Variants in KIF13A observed in about 807,000 individuals in gnomAD.
KIF13A encodes kinesin-like protein KIF13A.
Under a neutral mutation model 212.2 loss-of-function variants are expected in KIF13A, and 79 were observed. That is an observed-to-expected ratio of 0.37 (90% CI 0.31 to 0.45). KIF13A has a LOEUF of 0.45. Among genes scored for constraint, KIF13A ranks in the 20% least tolerant of loss-of-function variants. The pLI is 1.00. For missense variants in KIF13A, 1,901 were observed against 2,209.0 expected (o/e 0.86, Z 2.79); for synonymous variants, 789 against 808.6 (o/e 0.98, Z 0.41).
chr6:17,852,377 G>C (rs1046128245), intron 6 of KIF13A, among the ~76,000 whole-genome samples: 3 of 152,058 alleles, frequency 2.0e-5, no homozygotes, highest in African/African-American at 7.2e-5. Flanking sequence ...TCAACCTTTC[G>C]GCTATTTCAT....
At position 17,871,536 on chromosome 6, in the gene KIF13A, G is replaced by T. The variant is rs561275223; in HGVS notation, c.220+1841C>A. Among the ~76,000 whole-genome samples the T allele has an allele frequency of 1.1e-3, 170 of 152,228 alleles. No individual in the cohort carries two copies. The highest frequency in any genetic ancestry group is 4.0e-3 in the African/African-American group (165 of 41,538). ...GGGCTGCACACACACAGTGGGTTGG[G>T]GGGGGAGTCATGAATACTTAAAAAA... On this transcript the variant is annotated intron_variant, in intron 4 of 38. Transcript: ENST00000259711. The surrounding 1 kb of genome is among the most constrained non-coding windows in gnomAD (Gnocchi z 4.4).
intron 18 of KIF13A, among the ~76,000 whole-genome samples, chr6:17,806,067 A>G (rs1023146810): frequency 1.3e-5 from 2 of 151,956 alleles, no homozygotes; most frequent in African/African-American, 4.8e-5. Context: ...CTATAGGCAC[A>G]TGACACCATG....
intron 3 of KIF13A, among the ~76,000 whole-genome samples, chr6:17,877,589 T>C (rs1436341585): frequency 1.3e-5 from 2 of 152,176 alleles, no homozygotes; most frequent in Non-Finnish European, 2.9e-5. Flanking sequence ...TTCCAGGACA[T>C]TTCCCTTTTC....
intron 6 of KIF13A, among the ~76,000 whole-genome samples, chr6:17,852,794 T>C (rs1767783089): frequency 6.6e-6 from 1 of 152,232 alleles, no homozygotes; most frequent in African/African-American, 2.4e-5. Context: ...TTATGCTACT[T>C]CTATGCTTAC....
At chr6:17,952,919 G>A (rs1487109672) in intron 2 of KIF13A, among the ~76,000 whole-genome samples, 1 of 104,774 alleles carries the variant, frequency 9.5e-6, no homozygotes, top group African/African-American at 4.1e-5. Flanking sequence ...GACAGAGCAA[G>A]ACTGTCTCCA....
In KIF13A at chr6:17,837,468, T is replaced by A; in HGVS notation, c.942+4A>T. ...TGGAAAAGAACACTAGAGCAATGGATTACCTTAAGCAGCCAAGTGAGGACT... is the reference window on the plus strand; with the variant it reads ...TGGAAAAGAACACTAGAGCAATGGAATACCTTAAGCAGCCAAGTGAGGACT... On this transcript the variant is annotated splice_donor_region_variant and intron_variant, in intron 10 of 38. Coordinates refer to ENST00000259711, the MANE Select transcript of KIF13A (RefSeq NM_022113.6). The surrounding 1 kb of genome is among the most constrained non-coding windows in gnomAD (Gnocchi z 5.4). 6.3e-7 allele frequency: 1 copy of A among 1,590,606 alleles called. No homozygotes were observed. Among genetic ancestry groups the A allele is most frequent in the East Asian group, 2.2e-5 (1 of 44,532 alleles).
rs58092993 is a variant in KIF13A, at chr6:17,858,081, ATGTGTG to A, written c.221-1965_221-1960del. The stretch of plus-strand genomic sequence containing the variant: ...ATGTAAAACCTTATGTCAAATAGTT[ATGTGTG>A]TGTGTGTGTGTGTGTGTGTGTGTGT... On this transcript the variant is annotated intron_variant, in intron 4 of 38. Transcript: ENST00000259711. Among the ~76,000 whole-genome samples, 548 of 144,666 alleles carry A rather than the reference ATGTGTG, an allele frequency of 3.8e-3. 4 individuals are homozygous for A. The highest frequency in any genetic ancestry group is 9.4e-3 in the African/African-American group (352 of 37,638). 94.9% of individuals were successfully genotyped at this position (144,666 alleles called of 152,430 possible). A position where few individuals can be genotyped will look rare whatever the true frequency, so the allele number is the denominator to read the frequency against.
At chr6:17,795,596 CAA>C (rs34962687) in intron 23 of KIF13A, among the ~76,000 whole-genome samples, 5 of 132,244 alleles carry the variant, frequency 3.8e-5, no homozygotes, top group African/African-American at 2.9e-5. Flanking sequence ...GACTCCATCT[CAA>C]AAAAAAAAAA....
At chr6:17,972,985 G>T (rs1338042629) in intron 2 of KIF13A, among the ~76,000 whole-genome samples, 1 of 152,116 alleles carries the variant, frequency 6.6e-6, no homozygotes, top group East Asian at 1.9e-4. Flanking sequence ...TAACCACTTT[G>T]CTTTTGAAAG....
At chr6:17,950,343 C>T (rs1581826094) in intron 2 of KIF13A, 6 of 912,282 alleles carry the variant, frequency 6.6e-6, no homozygotes, top group Non-Finnish European at 7.9e-6. Context: ...CAAATCTAAG[C>T]ACAAACCTTA....
In KIF13A at chr6:17,872,905, G is replaced by T. The variant is rs909910796; in HGVS notation, c.220+472C>A. ...CCCACCTCGGCCTCCCAAAGTGCTG[G>T]GATTACAGATGTGAGCCACCATGCC... On this transcript the variant is annotated intron_variant, in intron 4 of 38. Transcript: ENST00000259711. This position sits in a 1 kb window ranked among gnomAD's most constrained non-coding sequence, Gnocchi z 4.7. Among the ~76,000 whole-genome samples the T allele has an allele frequency of 6.6e-6, 1 of 151,976 alleles. No individual in the cohort carries two copies. The highest frequency in any genetic ancestry group is 2.4e-5 in the African/African-American group (1 of 41,384).
In KIF13A at chr6:17,961,426, C is replaced by A. The variant is rs931309046; in HGVS notation, c.146+25628G>T. 6.6e-6 allele frequency among the ~76,000 whole-genome samples: 1 copy of A among 152,190 alleles called. No homozygotes were observed. The highest frequency in any genetic ancestry group is 1.5e-5 in the Non-Finnish European group (1 of 68,036). On this transcript the variant is annotated intron_variant, in intron 2 of 38. Transcript: ENST00000259711. This position sits in a 1 kb window ranked among gnomAD's most constrained non-coding sequence, Gnocchi z 4.1. ...CACCCCAAAATTGGCCCAACAAGCA[C>A]CAAGCATATTGTAAGCCCTTTATAT...
At chr6:17,973,554 C>A (rs1780007820) in intron 2 of KIF13A, among the ~76,000 whole-genome samples, 1 of 152,170 alleles carries the variant, frequency 6.6e-6, no homozygotes, top group Admixed American at 6.5e-5. Context: ...ATAAATGTTA[C>A]CTACTTACTC....
At chr6:17,981,918 G>T (rs572569786) in intron 2 of KIF13A, among the ~76,000 whole-genome samples, 1 of 152,110 alleles carries the variant, frequency 6.6e-6, no homozygotes, top group Non-Finnish European at 1.5e-5. Context: ...AGAGACACAG[G>T]AGCCAAGGAA....
At position 17,794,880 on chromosome 6, in the gene KIF13A, ATTT is replaced by A. The variant is rs1761899056; in HGVS notation, c.2943-179_2943-177del. 6 of 607,788 alleles carry A rather than the reference ATTT, an allele frequency of 9.9e-6. No individual in the cohort carries two copies. Among genetic ancestry groups the A allele is most frequent in the Non-Finnish European group, 1.1e-5 (4 of 365,908 alleles). The allele number at this position is 607,788 out of a possible 1,614,324, so 37.6% of individuals were successfully genotyped here. A position where few individuals can be genotyped will look rare whatever the true frequency, so the allele number is the denominator to read the frequency against. On this transcript the variant is annotated intron_variant, in intron 23 of 38. Coordinates refer to ENST00000259711, the MANE Select transcript of KIF13A (RefSeq NM_022113.6). The surrounding 1 kb of genome is among the most constrained non-coding windows in gnomAD (Gnocchi z 4.1). ...CCAACCTGTCATATTGTTTCTTTTT[ATTT>A]ATTTTACTGAGGTAGACTGAAATGT...
chr6:17,764,349 T>C lies in KIF13A; in HGVS notation c.5179A>G (p.Thr1727Ala), dbSNP rs369011113. The C allele has an allele frequency of 8.7e-6, 14 of 1,613,838 alleles. No individual in the cohort carries two copies. Among genetic ancestry groups the C allele is most frequent in the Non-Finnish European group, 1.2e-5 (14 of 1,179,896 alleles). ...AAAGAATGGTCTTCAAGGATGTTGG[T>C]GGTGTGTTCTACCGTCACCTCCCTG... ...CPREVTVEHT[T>A]NILEDHSFTE... The change falls in exon 39 of 39, where the codon ACC (threonine) becomes GCC (alanine). Residue 1727 changes from threonine (T) to alanine (A), a missense_variant. Thr to Ala is a moderately conservative substitution (Grantham distance 58). Coordinates refer to ENST00000259711, the MANE Select transcript of KIF13A (RefSeq NM_022113.6). The surrounding 1 kb of genome is among the most constrained non-coding windows in gnomAD (Gnocchi z 5.1).
chr6:17,891,786 T>A (rs551897660), intron 3 of KIF13A, among the ~76,000 whole-genome samples: 3 of 152,032 alleles, frequency 2.0e-5, no homozygotes, highest in Non-Finnish European at 4.4e-5. Context: ...GACACCCAAT[T>A]TGGGGAGAAC....
intron 17 of KIF13A, chr6:17,815,587 T>C (rs895966424): frequency 3.0e-5 from 13 of 438,508 alleles, no homozygotes; most frequent in African/African-American, 2.4e-4. Flanking sequence ...CACTTCTCAC[T>C]GTGTCCCTTC....
chr6:17,842,487 A>C (rs919088742), intron 9 of KIF13A, among the ~76,000 whole-genome samples: 2 of 152,226 alleles, frequency 1.3e-5, no homozygotes, highest in Non-Finnish European at 2.9e-5. Context: ...ACAGGAATCC[A>C]GAACAAGGGA....
Sources: gnomAD v4.1 joint callset for allele counts (sites outside exome capture counted in the v4.1 genomes callset) on GRCh38, gnomAD v4.1.1 for gene constraint, Gnocchi (gnomAD v3.1) non-coding constraint, MANE v1.5 for transcripts, NCBI Gene and HGNC (gene_info 2026-07-23, HGNC 2026-07-21) for gene names.